The following IQCM variants were observed in gnomAD, a reference collection of about 807,000 sequenced individuals.
The protein encoded by IQCM is IQ domain-containing protein M.
In IQCM, 45 loss-of-function variants were observed where a neutral mutation model predicts 57.6. That is an observed-to-expected ratio of 0.78 (90% CI 0.62 to 1.00). The LOEUF (loss-of-function observed/expected upper bound fraction) is 1.00, where lower values mean the gene tolerates loss of function less well. Ranked by LOEUF, IQCM falls within the 50% of genes least tolerant of loss-of-function variation. IQCM has a pLI of 0.00. For missense variants in IQCM, 468 were observed against 511.6 expected (o/e 0.91, Z 0.82); for synonymous variants, 148 against 158.9 (o/e 0.93, Z 0.51).
At chr4:149,742,629 T>C (rs544188865) in intron 3 of IQCM, 26 bp downstream of exon 3, 1 of 1,216,646 alleles carries the variant, frequency 8.2e-7, no homozygotes, top group Non-Finnish European at 1.0e-6. Flanking sequence ...TGACTTGTAC[T>C]ATGTTAGGTA....
intron 12 of IQCM, among the ~76,000 whole-genome samples, chr4:149,438,710 CTTAAA>C (rs770582349): frequency 6.6e-6 from 1 of 152,012 alleles, no homozygotes; most frequent in Non-Finnish European, 1.5e-5. Flanking sequence ...CAGCCCCATT[CTTAAA>C]TTAATGAAAC....
intron 2 of IQCM, 110 bp downstream of exon 2, chr4:149,815,201 A>C (rs1580366845): frequency 6.6e-6 from 1 of 152,072 alleles, no homozygotes; most frequent in South Asian, 2.1e-4. Flanking sequence ...CATGGGGGGT[A>C]TAGTTTATAA....
chr4:149,497,249 G>A (rs1041643186), intron 12 of IQCM, among the ~76,000 whole-genome samples: 5 of 152,050 alleles, frequency 3.3e-5, no homozygotes, highest in Admixed American at 2.6e-4. Flanking sequence ...GGCCTAAGAA[G>A]GTCTCTCAGG....
chr4:149,364,260 T>C (rs1311643560), intron 13 of IQCM, among the ~76,000 whole-genome samples: 2 of 151,646 alleles, frequency 1.3e-5, no homozygotes, highest in East Asian at 3.9e-4. Flanking sequence ...AAATCAGGAG[T>C]GCAGGGGTTT....
chr4:149,801,416 G>A lies in IQCM; in HGVS notation c.-49+13895C>T, dbSNP rs146729156. ...TATATGCTCAAAAGAAAGGAGATCC[G>A]TATATCAAAGAGATATCTGCACTCC... On this transcript the variant is annotated intron_variant, in intron 2 of 13. Coordinates refer to ENST00000636793, the MANE Select transcript of IQCM (RefSeq NM_001363507.2). Among the ~76,000 whole-genome samples the A allele has an allele frequency of 5.2e-3, 795 of 152,040 alleles. 12 individuals carry two copies. Among genetic ancestry groups the A allele is most frequent in the African/African-American group, 0.017 (716 of 41,548 alleles).
At position 149,499,821 on chromosome 4, in the gene IQCM, G is replaced by A. The variant is rs186686833; in HGVS notation, c.1228+48634C>T. 5.3e-5 allele frequency among the ~76,000 whole-genome samples: 8 copies of A among 152,322 alleles called. No homozygotes were observed. In the East Asian group the frequency reaches 1.4e-3, roughly 26 times the overall value. Reference sequence around the variant, plus strand: ...CATAGACTGACTAAAATAGTAGACAGAAAGTCAGTTGTGATTACTTTGGGA... The same window carrying A: ...CATAGACTGACTAAAATAGTAGACAAAAAGTCAGTTGTGATTACTTTGGGA... On this transcript the variant is annotated intron_variant, in intron 12 of 13. Transcript: ENST00000636793.
rs569587191 is a variant in IQCM, at chr4:149,490,379, C to T, written c.1229-56822G>A. ...AATGGGATATGCTTAAACCTATTTT[C>T]AAAAAGGTAAAGTCTTGTATCTCAA... On this transcript the variant is annotated intron_variant, in intron 12 of 13. Transcript: ENST00000636793. Among the ~76,000 whole-genome samples the T allele has an allele frequency of 5.9e-5, 9 of 151,988 alleles. No homozygotes were observed. The Middle Eastern group carries it at 0.014, about 230-fold the overall frequency.
rs549089560 is a variant in IQCM at position 149,425,624 on chromosome 4, C to A, written c.1390+7772G>T. Among the ~76,000 whole-genome samples, 4 of 152,066 alleles carry A rather than the reference C, an allele frequency of 2.6e-5. No homozygotes were observed. The South Asian group carries it at 8.3e-4, about 32-fold the overall frequency. ...AAATCCTCAACAGATTAGATGATGA[C>A]CACCTGCCTCAATGAGGGAAATCTT... is the stretch of plus-strand genomic sequence containing the variant. On this transcript the variant is annotated intron_variant, in intron 13 of 13. Transcript: ENST00000636793.
chr4:149,808,921 A>G (rs1774316992), intron 2 of IQCM, among the ~76,000 whole-genome samples: 1 of 152,200 alleles, frequency 6.6e-6, no homozygotes. Context: ...AGTTACTCTA[A>G]ATGGAAGTAA....
intron 7 of IQCM, among the ~76,000 whole-genome samples, chr4:149,680,472 G>T (rs1762098910): frequency 6.6e-6 from 1 of 151,244 alleles, no homozygotes; most frequent in South Asian, 2.1e-4. Flanking sequence ...TTCTTTAACA[G>T]TTATTGAGTT....
At chr4:149,659,101 G>A (rs1053294012) in intron 7 of IQCM, among the ~76,000 whole-genome samples, 1 of 151,874 alleles carries the variant, frequency 6.6e-6, no homozygotes, top group African/African-American at 2.4e-5. Context: ...CTTGCTAGCA[G>A]TCTATCAATT....
At chr4:149,689,681 T>C (rs1187914520) in intron 5 of IQCM, among the ~76,000 whole-genome samples, 1 of 152,042 alleles carries the variant, frequency 6.6e-6, no homozygotes, top group Non-Finnish European at 1.5e-5. Flanking sequence ...TCTATGCATC[T>C]GACAAAGGAC....
chr4:149,585,895 C>A (rs1419755077), intron 9 of IQCM, among the ~76,000 whole-genome samples: 2 of 151,572 alleles, frequency 1.3e-5, no homozygotes, highest in South Asian at 2.1e-4. Flanking sequence ...GTCTAAAATT[C>A]CTTCAGCCAT....
intron 12 of IQCM, among the ~76,000 whole-genome samples, chr4:149,518,219 C>T (rs1375947697): frequency 1.3e-5 from 2 of 152,090 alleles, no homozygotes; most frequent in Admixed American, 6.5e-5. Context: ...GGGAAGTATA[C>T]TCCTACCATG....
chr4:149,553,379 A>G, intron 10 of IQCM, 92 bp from the exon 11 acceptor site: 1 of 1,017,248 alleles, frequency 9.8e-7, no homozygotes, highest in Non-Finnish European at 1.3e-6. Flanking sequence ...CCTAGTTTCT[A>G]AGATTATGGG....
In IQCM at chr4:149,733,316, G is replaced by A. The variant is rs1005386001; in HGVS notation, c.313C>T (p.Arg105Ter). 155 of 1,231,092 alleles carry A rather than the reference G, an allele frequency of 1.3e-4. No individual in the cohort carries two copies. The highest frequency in any genetic ancestry group is 1.5e-4 in the Non-Finnish European group (145 of 987,740). The allele number at this position is 1,231,092 out of a possible 1,614,324, so 76.3% of individuals were successfully genotyped here. ...ATGTGTGGTTCCTTGAAGGAGATTCGTTGTGGGGGTTCCTGAAGATGCTCG... is the reference window on the plus strand; with the variant it reads ...ATGTGTGGTTCCTTGAAGGAGATTCATTGTGGGGGTTCCTGAAGATGCTCG... ...KSEHLQEPPQ[R>*]ISFKEPHIFS... Residue 105 changes from arginine (R) to a stop codon, truncating the protein, a stop_gained, in exon 5 of 14, where the codon CGA becomes TGA. Transcript: ENST00000636793. LOFTEE classifies it high-confidence loss of function.
At chr4:149,677,022 C>T (rs1383348078) in intron 7 of IQCM, among the ~76,000 whole-genome samples, 3 of 152,022 alleles carry the variant, frequency 2.0e-5, no homozygotes, top group African/African-American at 7.2e-5. Flanking sequence ...AGAAAATTGG[C>T]ACATCCACAA....
At chr4:149,633,580 A>G (rs1241663519) in intron 7 of IQCM, among the ~76,000 whole-genome samples, 1 of 152,312 alleles carries the variant, frequency 6.6e-6, no homozygotes, top group Non-Finnish European at 1.5e-5. Flanking sequence ...AATTCAACAT[A>G]ATGTGGTTCT....
chr4:149,704,248 A>T (rs896027625), intron 5 of IQCM, among the ~76,000 whole-genome samples: 3 of 151,936 alleles, frequency 2.0e-5, no homozygotes, highest in African/African-American at 7.2e-5. Flanking sequence ...ATATAAATAG[A>T]AGCTTCTTCC....
Sources: allele counts gnomAD v4.1 joint callset (sites outside exome capture counted in the v4.1 genomes callset), GRCh38; gene constraint gnomAD v4.1.1; transcripts MANE v1.5; gene names NCBI Gene and HGNC (gene_info 2026-07-23, HGNC 2026-07-21).